Variants in LSAMP observed in about 807,000 individuals in gnomAD.
LSAMP encodes limbic system-associated membrane protein.
In LSAMP, 7 loss-of-function variants were observed where a neutral mutation model predicts 38.6. The ratio of observed to expected loss-of-function variants is 0.18; its 90% CI spans 0.10 to 0.34. The LOEUF (loss-of-function observed/expected upper bound fraction) is 0.34. Among genes scored for constraint, LSAMP ranks in the 10% least tolerant of loss-of-function variants. The pLI is 1.00. For missense variants in LSAMP, 313 were observed against 420.0 expected (o/e 0.75, Z 2.23); for synonymous variants, 154 against 166.8 (o/e 0.92, Z 0.59).
intron 1 of LSAMP, among the ~76,000 whole-genome samples, chr3:116,090,050 A>AT (rs938087378): frequency 4.1e-5 from 6 of 145,588 alleles, no homozygotes; most frequent in African/African-American, 1.5e-4. Flanking sequence ...AAAAGTACAC[A>AT]TGAAAAAAAA....
intron 3 of LSAMP, among the ~76,000 whole-genome samples, chr3:115,963,664 A>G (rs914327608): frequency 6.6e-6 from 1 of 152,344 alleles, no homozygotes; most frequent in South Asian, 2.1e-4. Flanking sequence ...CACTTAGAAT[A>G]CAGACATAAG....
At chr3:116,434,676 T>G (rs113798432) in intron 1 of LSAMP, among the ~76,000 whole-genome samples, 1 of 152,036 alleles carries the variant, frequency 6.6e-6, no homozygotes, top group Non-Finnish European at 1.5e-5. Context: ...CCTCGGCCTC[T>G]GAGTAGCTAG....
At chr3:116,389,660 A>G (rs1344066274) in intron 1 of LSAMP, among the ~76,000 whole-genome samples, 1 of 152,192 alleles carries the variant, frequency 6.6e-6, no homozygotes, top group Non-Finnish European at 1.5e-5. Context: ...GATATAAATC[A>G]AAAGGAAAAT....
intron 1 of LSAMP, among the ~76,000 whole-genome samples, chr3:116,290,734 A>AAAT (rs201227569): frequency 0.39 from 54,568 of 140,194 alleles, 12,726 homozygotes; most frequent in Non-Finnish European, 0.53. Context: ...TGTCTCACAA[A>AAAT]AATAATAATA....
intron 3 of LSAMP, among the ~76,000 whole-genome samples, chr3:115,970,085 G>C (rs751568444): frequency 1.3e-5 from 2 of 152,096 alleles, no homozygotes; most frequent in Non-Finnish European, 2.9e-5. Flanking sequence ...AATTGAGGGC[G>C]AAAGGACAGA....
intron 3 of LSAMP, among the ~76,000 whole-genome samples, chr3:115,985,031 A>G (rs1469138523): frequency 6.6e-6 from 1 of 152,182 alleles, no homozygotes; most frequent in Non-Finnish European, 1.5e-5. Flanking sequence ...AAGAAGCAAT[A>G]ATAAGATAAA....
chr3:116,225,036 A>T (rs544381427), intron 1 of LSAMP, among the ~76,000 whole-genome samples: 2 of 152,362 alleles, frequency 1.3e-5, no homozygotes, highest in South Asian at 4.1e-4. Flanking sequence ...GAATGTCAGC[A>T]AACCAGCTGT....
At chr3:116,057,861 C>A (rs1941516219) in intron 2 of LSAMP, among the ~76,000 whole-genome samples, 1 of 151,674 alleles carries the variant, frequency 6.6e-6, no homozygotes, top group Admixed American at 6.6e-5. Context: ...ATCATTCACT[C>A]CAAAAAATTA....
chr3:115,967,802 G>A (rs1315260990), intron 3 of LSAMP, among the ~76,000 whole-genome samples: 2 of 151,864 alleles, frequency 1.3e-5, no homozygotes, highest in African/African-American at 2.4e-5. Flanking sequence ...TCACTATCAC[G>A]AGAACAGCAT....
At chr3:116,182,421 G>T (rs186891625) in intron 1 of LSAMP, among the ~76,000 whole-genome samples, 1 of 151,288 alleles carries the variant, frequency 6.6e-6, no homozygotes, top group Non-Finnish European at 1.5e-5. Flanking sequence ...GAACAAAATA[G>T]AAATAGTCTA....
At chr3:115,858,364 T>C (rs556493668) in intron 3 of LSAMP, among the ~76,000 whole-genome samples, 32 of 152,310 alleles carry the variant, frequency 2.1e-4, no homozygotes, top group African/African-American at 7.7e-4. Flanking sequence ...ATTGCTCTAA[T>C]AATCATTATA....
At chr3:115,863,306 G>A (rs1935762399) in intron 3 of LSAMP, among the ~76,000 whole-genome samples, 1 of 152,178 alleles carries the variant, frequency 6.6e-6, no homozygotes, top group South Asian at 2.1e-4. Context: ...CAGAGGGAGA[G>A]TGCTACTTTC....
intron 1 of LSAMP, among the ~76,000 whole-genome samples, chr3:116,122,735 A>T (rs1354259019): frequency 2.0e-5 from 3 of 152,208 alleles, no homozygotes; most frequent in Admixed American, 2.0e-4. Flanking sequence ...AACGTATATT[A>T]TTTTACCACA....
At chr3:116,225,787 A>G (rs955583402) in intron 1 of LSAMP, among the ~76,000 whole-genome samples, 1 of 152,012 alleles carries the variant, frequency 6.6e-6, no homozygotes, top group African/African-American at 2.4e-5. Context: ...AAAGTATTTA[A>G]ATCGTGAGCA....
chr3:116,114,917 GT>G, intron 1 of LSAMP, among the ~76,000 whole-genome samples: 1 of 152,300 alleles, frequency 6.6e-6, no homozygotes, highest in Middle Eastern at 3.4e-3. Flanking sequence ...ATGCCACTGG[GT>G]TAACAGTTGA....
rs2049202621 is a variant in LSAMP at position 116,426,805 on chromosome 3, G to A, written c.155+18072C>T. On this transcript the variant is annotated intron_variant, in intron 1 of 6. Coordinates refer to ENST00000490035, the MANE Select transcript of LSAMP (RefSeq NM_002338.5). ...AACATGGTGCTGTCAACAGCATAGT[G>A]AGGTTATACGTAATGGTAAAGAATT... Among the ~76,000 whole-genome samples the A allele has an allele frequency of 3.9e-5, 6 of 152,022 alleles. No homozygotes were observed. In the South Asian group the frequency reaches 1.2e-3, roughly 32 times the overall value.
At chr3:116,382,949 T>A (rs2048580987) in intron 1 of LSAMP, among the ~76,000 whole-genome samples, 1 of 152,122 alleles carries the variant, frequency 6.6e-6, no homozygotes, top group Non-Finnish European at 1.5e-5. Context: ...AGGAAATGTG[T>A]AAGGCAAAAT....
intron 6 of LSAMP, among the ~76,000 whole-genome samples, chr3:115,820,657 G>A (rs560899025): frequency 6.6e-6 from 1 of 152,254 alleles, no homozygotes; most frequent in East Asian, 1.9e-4. Context: ...CATCTGCCTT[G>A]TTCACTACTC....
chr3:115,848,915 AAC>A (rs1185324004), intron 4 of LSAMP, among the ~76,000 whole-genome samples: 1 of 152,204 alleles, frequency 6.6e-6, no homozygotes, highest in Non-Finnish European at 1.5e-5. Flanking sequence ...AGATAAAATT[AAC>A]AGTTTGTATT....
Sources: gnomAD v4.1 joint callset for allele counts (sites outside exome capture counted in the v4.1 genomes callset) on GRCh38, gnomAD v4.1.1 for gene constraint, MANE v1.5 for transcripts, NCBI Gene and HGNC (gene_info 2026-07-23, HGNC 2026-07-21) for gene names.